PRELID2: variants seen among roughly 807,000 people sequenced by gnomAD.
PRELID2 encodes PRELI domain-containing protein 2.
A neutral mutation model predicts 28.4 loss-of-function variants in PRELID2; 25 were observed. The observed-to-expected ratio is 0.88, with a 90% CI of 0.64 to 1.23. The LOEUF is 1.23. Ranked by LOEUF, PRELID2 falls within the 50% of genes most tolerant of loss-of-function variation. The pLI is 0.00. For synonymous variants in PRELID2, 76 were observed against 71.6 expected, an observed-to-expected ratio of 1.06 and a Z score of -0.31; for missense variants, 201 against 214.4, an observed-to-expected ratio of 0.94 and a Z score of 0.39.
At chr5:145,673,656 AT>A (rs1754756442) in intron 1 of PRELID2, among the ~76,000 whole-genome samples, 1 of 150,954 alleles carries the variant, frequency 6.6e-6, no homozygotes, top group African/African-American at 2.4e-5. Context: ...AAAATTTTTG[AT>A]TTGCTAGCAA....
chr5:145,466,837 C>T (rs1752006866), downstream of PRELID2, among the ~76,000 whole-genome samples: 1 of 152,106 alleles, frequency 6.6e-6, no homozygotes, highest in African/African-American at 2.4e-5. Context: ...TAGCAAGCCA[C>T]ACTCAACCTA....
At chr5:145,676,515 G>A (rs113555363) in intron 1 of PRELID2, among the ~76,000 whole-genome samples, 4,587 of 152,224 alleles carry the variant, frequency 0.03, 221 homozygotes, top group African/African-American at 0.1. Context: ...CTCCAGCCTG[G>A]GCAACAGAGG....
chr5:145,784,060 T>C lies in PRELID2; in HGVS notation c.474+12382A>G, dbSNP rs147840843. On this transcript the variant is annotated intron_variant, in intron 5 of 6. Coordinates refer to ENST00000683046, the MANE Select transcript of PRELID2 (RefSeq NM_205846.3). ...ATTTTGGGAGGCTGAGGTGGGCAGA[T>C]CACTTGAGGCCACAGGTCCGATACC... is the stretch of plus-strand genomic sequence containing the variant. Among the ~76,000 whole-genome samples, 318 of 152,146 alleles carry C rather than the reference T, an allele frequency of 2.1e-3. 2 individuals are homozygous for C. Among genetic ancestry groups the C allele is most frequent in the African/African-American group, 6.9e-3 (285 of 41,508 alleles).
rs1183967894 is a variant in PRELID2, at chr5:145,817,984, A to C, written c.278T>G (p.Met93Arg). ...CGTAAGGCAGTGACTCCGTATGGCC[A>C]TGTTTCTTTCCCGAGGATTGAGCCA... Reference protein sequence around the residue: ...ESWLNPRERNMAIRSHCLTWT... With the variant: ...ESWLNPRERNRAIRSHCLTWT... Residue 93 changes from methionine (M) to arginine (R), a missense_variant, in exon 4 of 7, where the codon ATG (methionine) becomes AGG (arginine). Transcript: ENST00000683046. 2.5e-6 allele frequency: 4 copies of C among 1,612,486 alleles called. No homozygotes were observed. In the Admixed American group the frequency reaches 5.0e-5, roughly 20 times the overall value.
At chr5:145,297,556 C>A in the PRELID2 span, among the ~76,000 whole-genome samples, 1 of 152,118 alleles carries the variant, frequency 6.6e-6, no homozygotes, top group African/African-American at 2.4e-5. Context: ...TGAAAACAGG[C>A]ACAAGACAGG....
At chr5:145,296,757 G>A in the PRELID2 span, among the ~76,000 whole-genome samples, 1 of 152,012 alleles carries the variant, frequency 6.6e-6, no homozygotes, top group African/African-American at 2.4e-5. Context: ...GATCCCTGAG[G>A]AATCGCCACA....
the PRELID2 span, among the ~76,000 whole-genome samples, chr5:145,308,694 A>G: frequency 6.6e-6 from 1 of 151,980 alleles, no homozygotes; most frequent in African/African-American, 2.4e-5. Context: ...AGTTTGAGGA[A>G]CTCTAGTTGA....
chr5:145,786,790 T>C (rs540426884), intron 5 of PRELID2, among the ~76,000 whole-genome samples: 2 of 152,346 alleles, frequency 1.3e-5, no homozygotes, highest in East Asian at 3.9e-4. Flanking sequence ...ATTTGTAGTA[T>C]CTCCACTTTT....
Position 145,654,317 on chromosome 5 carries a change from G to A in PRELID2, n.70+110614C>T, listed in dbSNP as rs140450155. Among the ~76,000 whole-genome samples, 387 of 152,300 alleles carry A rather than the reference G, an allele frequency of 2.5e-3. 2 individuals carry two copies. Among genetic ancestry groups the A allele is most frequent in the African/African-American group, 9.0e-3 (374 of 41,554 alleles). ...GATTCACAGCCGAATTCTACCAGATGTACAAGGAGTAGCTGGTACCATTAC... is the reference window on the plus strand; with the variant it reads ...GATTCACAGCCGAATTCTACCAGATATACAAGGAGTAGCTGGTACCATTAC... On this transcript the variant is annotated intron_variant and non_coding_transcript_variant, in intron 1 of 2. Coordinates refer to the PRELID2 transcript ENST00000510259.
At chr5:145,609,044 C>T (rs1165954337) in intron 1 of PRELID2, among the ~76,000 whole-genome samples, 1 of 152,178 alleles carries the variant, frequency 6.6e-6, no homozygotes, top group Admixed American at 6.5e-5. Context: ...TCAGCTTGGT[C>T]AATTCTGCTG....
chr5:145,530,142 G>A (rs1752642577), intron 1 of PRELID2, among the ~76,000 whole-genome samples: 1 of 152,238 alleles, frequency 6.6e-6, no homozygotes, highest in South Asian at 2.1e-4. Context: ...CAGCAAGTGA[G>A]TAACTCAAAA....
At chr5:145,389,872 A>T in the PRELID2 span, among the ~76,000 whole-genome samples, 1 of 152,228 alleles carries the variant, frequency 6.6e-6, no homozygotes, top group South Asian at 2.1e-4. Context: ...AATTTATATC[A>T]GACCAAAGTG....
chr5:145,554,646 GGCT>G (rs1452294539), intron 1 of PRELID2, among the ~76,000 whole-genome samples: 3 of 152,188 alleles, frequency 2.0e-5, no homozygotes, highest in Non-Finnish European at 4.4e-5. Flanking sequence ...TGTGTAATAG[GGCT>G]GTGTTGTTGG....
intron 1 of PRELID2, among the ~76,000 whole-genome samples, chr5:145,737,794 C>T (rs1210755626): frequency 3.3e-5 from 5 of 152,036 alleles, no homozygotes; most frequent in African/African-American, 1.2e-4. Context: ...GGGCAGGGGG[C>T]CAATCCTCCT....
the PRELID2 span, among the ~76,000 whole-genome samples, chr5:145,424,894 T>G: frequency 6.6e-6 from 1 of 152,100 alleles, no homozygotes; most frequent in African/African-American, 2.4e-5. Context: ...CAAAAGCAAT[T>G]GCAACAGAAG....
At chr5:145,626,055 A>C (rs945356150) in intron 1 of PRELID2, among the ~76,000 whole-genome samples, 1 of 152,198 alleles carries the variant, frequency 6.6e-6, no homozygotes, top group African/African-American at 2.4e-5. Context: ...ACTTAAAAAT[A>C]AGACCTGAAA....
chr5:145,781,182 T>C (rs528128181), intron 5 of PRELID2, among the ~76,000 whole-genome samples: 1 of 151,924 alleles, frequency 6.6e-6, no homozygotes, highest in Non-Finnish European at 1.5e-5. Context: ...GGATGAGAAA[T>C]CACAATAGAC....
chr5:145,432,735 T>C, the PRELID2 span, among the ~76,000 whole-genome samples: 9 of 152,284 alleles, frequency 5.9e-5, no homozygotes, highest in Middle Eastern at 3.4e-3. Flanking sequence ...CCAAGCTGCA[T>C]AGGGCTTTGT....
chr5:145,827,051 C>G (rs1755241775), intron 1 of PRELID2, among the ~76,000 whole-genome samples: 1 of 152,120 alleles, frequency 6.6e-6, no homozygotes, highest in African/African-American at 2.4e-5. Flanking sequence ...TACAAGGAAG[C>G]AGGTGACTGA....
Sources: allele counts gnomAD v4.1 joint callset (sites outside exome capture counted in the v4.1 genomes callset), GRCh38; gene constraint gnomAD v4.1.1; transcripts MANE v1.5; gene names NCBI Gene and HGNC (gene_info 2026-07-23, HGNC 2026-07-21).